Variants in KIF5C observed in about 807,000 individuals in gnomAD.
KIF5C encodes kinesin heavy chain isoform 5C.
Under a neutral mutation model 125.2 loss-of-function variants are expected in KIF5C, and 18 were observed. That is an observed-to-expected ratio of 0.14 (90% confidence interval 0.10 to 0.21). KIF5C has a LOEUF of 0.21. Among genes scored for constraint, KIF5C ranks in the 10% least tolerant of loss-of-function variants. The pLI is 1.00. For missense variants in KIF5C, 780 were observed against 1,183.8 expected (o/e 0.66, Z 5.01); for synonymous variants, 405 against 434.0 (o/e 0.93, Z 0.83).
chr2:148,880,071 C>T lies in KIF5C; in HGVS notation c.126+4328C>T, dbSNP rs183989185. ...TCTTCTTTCCACAGTAATGGTCTTCCAAAGCAATAACATTAAAACAATTTT... is the reference window on the plus strand; with the variant it reads ...TCTTCTTTCCACAGTAATGGTCTTCTAAAGCAATAACATTAAAACAATTTT... On this transcript the variant is annotated intron_variant, in intron 1 of 25. Transcript: ENST00000435030. Among the ~76,000 whole-genome samples the T allele has an allele frequency of 2.2e-4, 34 of 152,106 alleles. No homozygotes were observed. The East Asian group carries it at 4.6e-3, about 21-fold the overall frequency.
chr2:148,891,878 A>G (rs942922692), intron 1 of KIF5C, among the ~76,000 whole-genome samples: 1 of 152,030 alleles, frequency 6.6e-6, no homozygotes, highest in Non-Finnish European at 1.5e-5. Flanking sequence ...TTGTATTTTT[A>G]GTAGAGGTGG....
chr2:148,964,532 C>A (rs1048350332), intron 11 of KIF5C, among the ~76,000 whole-genome samples: 3 of 152,096 alleles, frequency 2.0e-5, no homozygotes, highest in Non-Finnish European at 4.4e-5. Flanking sequence ...CCAGTCCTCA[C>A]CAATAAATGT....
chr2:149,019,521 T>C (rs1013436186), intron 25 of KIF5C, among the ~76,000 whole-genome samples: 6 of 152,190 alleles, frequency 3.9e-5, no homozygotes, highest in African/African-American at 1.4e-4. Context: ...CAAGAATTCC[T>C]GATTCCATCT....
chr2:148,906,041 A>G (rs577986228), intron 1 of KIF5C, among the ~76,000 whole-genome samples: 3 of 152,258 alleles, frequency 2.0e-5, no homozygotes, highest in Non-Finnish European at 2.9e-5. Flanking sequence ...CGGAGCTACA[A>G]TTCAAGATGA....
chr2:149,015,681 G>A (rs1682338768), intron 25 of KIF5C, among the ~76,000 whole-genome samples: 1 of 152,212 alleles, frequency 6.6e-6, no homozygotes, highest in African/African-American at 2.4e-5. Context: ...AATCCACAGG[G>A]GGCTGCCTCA....
intron 3 of KIF5C, among the ~76,000 whole-genome samples, chr2:148,931,722 T>C (rs904341192): frequency 5.3e-5 from 8 of 152,090 alleles, no homozygotes; most frequent in Admixed American, 2.6e-4. Flanking sequence ...CAAAAACTAA[T>C]AGAAGAGATA....
chr2:148,957,331 T>C (rs1291844663), intron 10 of KIF5C, among the ~76,000 whole-genome samples: 2 of 152,064 alleles, frequency 1.3e-5, no homozygotes, highest in Non-Finnish European at 2.9e-5. Flanking sequence ...AACTGATTTT[T>C]TTTTCTTTTT....
chr2:148,946,238 G>A (rs951206963), intron 7 of KIF5C, among the ~76,000 whole-genome samples: 3 of 152,170 alleles, frequency 2.0e-5, no homozygotes, highest in African/African-American at 7.2e-5. Flanking sequence ...AATCTGGTAA[G>A]ATGGTTTTGA....
intron 1 of KIF5C, among the ~76,000 whole-genome samples, chr2:148,886,982 A>G (rs990531638): frequency 6.6e-6 from 1 of 152,228 alleles, no homozygotes; most frequent in Admixed American, 6.5e-5. Flanking sequence ...GGGGGAAAAT[A>G]TACACCTCTT....
At chr2:148,967,960 G>A (rs999751789) in intron 11 of KIF5C, among the ~76,000 whole-genome samples, 5 of 152,302 alleles carry the variant, frequency 3.3e-5, no homozygotes, top group African/African-American at 1.2e-4. Flanking sequence ...ACAGGAGGAT[G>A]GGGAGGGCGG....
intron 1 of KIF5C, among the ~76,000 whole-genome samples, chr2:148,877,017 G>T (rs548027822): frequency 1.3e-5 from 2 of 152,330 alleles, no homozygotes; most frequent in Admixed American, 6.5e-5. Context: ...TTTACCGAGG[G>T]TATTGCAGGA....
chr2:149,014,921 GT>G (rs1682317775), intron 25 of KIF5C, among the ~76,000 whole-genome samples: 1 of 152,048 alleles, frequency 6.6e-6, no homozygotes, highest in Admixed American at 6.6e-5. Context: ...GGCATGGCGG[GT>G]CATGCCTGTA....
intron 1 of KIF5C, among the ~76,000 whole-genome samples, chr2:148,906,682 T>A (rs1482594670): frequency 6.6e-6 from 1 of 151,618 alleles, no homozygotes; most frequent in African/African-American, 2.4e-5. Context: ...CTGGGCAATG[T>A]GGTGAAACCC....
intron 4 of KIF5C, among the ~76,000 whole-genome samples, chr2:148,937,932 CAG>C (rs1361892484): frequency 2.6e-5 from 4 of 152,204 alleles, no homozygotes; most frequent in Admixed American, 1.3e-4. Flanking sequence ...GTGTTTTGAG[CAG>C]AGTGTCACAG....
At chr2:149,016,869 A>G (rs1682377093) in intron 25 of KIF5C, among the ~76,000 whole-genome samples, 1 of 152,070 alleles carries the variant, frequency 6.6e-6, no homozygotes, top group African/African-American at 2.4e-5. Flanking sequence ...GGCGAGTTGG[A>G]CCAGGCCCAG....
intron 1 of KIF5C, among the ~76,000 whole-genome samples, chr2:148,886,590 T>C (rs1349822945): frequency 6.6e-6 from 1 of 152,140 alleles, no homozygotes; most frequent in East Asian, 1.9e-4. Flanking sequence ...CCACCCAGCA[T>C]GGAAGAGGCT....
chr2:148,971,361 G>GA (rs891106657), intron 11 of KIF5C, among the ~76,000 whole-genome samples: 14 of 148,670 alleles, frequency 9.4e-5, no homozygotes, highest in Non-Finnish European at 1.3e-4. Flanking sequence ...ATATGTTTAA[G>GA]AAAAAAAAAG....
intron 10 of KIF5C, among the ~76,000 whole-genome samples, chr2:148,953,774 C>T (rs1682725876): frequency 6.6e-6 from 1 of 152,184 alleles, no homozygotes; most frequent in Non-Finnish European, 1.5e-5. Flanking sequence ...GCAGTTCAAT[C>T]TGCAGATCCC....
At chr2:148,901,495 T>C (rs553776867) in intron 1 of KIF5C, among the ~76,000 whole-genome samples, 69 of 152,328 alleles carry the variant, frequency 4.5e-4, no homozygotes, top group African/African-American at 1.6e-3. Flanking sequence ...AAATCCTTTA[T>C]ACTTTTTGGT....
Sources: allele counts gnomAD v4.1 joint callset (sites outside exome capture counted in the v4.1 genomes callset), GRCh38; gene constraint gnomAD v4.1.1; transcripts MANE v1.5; gene names NCBI Gene and HGNC (gene_info 2026-07-23, HGNC 2026-07-21).